Variants in MED13 observed in about 807,000 individuals in gnomAD.
The protein encoded by MED13 is mediator of RNA polymerase II transcription subunit 13.
MED13 carries 23 observed loss-of-function variants against 225.2 expected under a neutral mutation model. That is an observed-to-expected ratio of 0.10 (90% CI 0.07 to 0.14). MED13 has a LOEUF of 0.14. Ranked by LOEUF, MED13 falls within the 10% of genes least tolerant of loss-of-function variation. The probability of loss-of-function intolerance (pLI) is 1.00; values close to 1 mark genes in which losing one functional copy is unlikely to be tolerated. For missense variants in MED13, 2,197 were observed against 2,594.5 expected, an observed-to-expected ratio of 0.85 and a Z score of 3.33; for synonymous variants, 942 against 889.2, an observed-to-expected ratio of 1.06 and a Z score of -1.06.
intron 28 of MED13, among the ~76,000 whole-genome samples, chr17:61,949,567 A>G (rs2079879589): frequency 6.6e-6 from 1 of 152,136 alleles, no homozygotes; most frequent in South Asian, 2.1e-4. Context: ...TGAGAGTCTC[A>G]TTACTGTATT....
intron 6 of MED13, chr17:62,031,216 T>C (rs2080752663): frequency 2.5e-6 from 1 of 392,790 alleles, no homozygotes. Context: ...GTCTGTAGGT[T>C]GTTCTCAAAT....
At chr17:61,954,837 T>G (rs2079928237) in intron 26 of MED13, among the ~76,000 whole-genome samples, 1 of 152,184 alleles carries the variant, frequency 6.6e-6, no homozygotes, top group African/African-American at 2.4e-5. Flanking sequence ...AGTTCTGATA[T>G]CAACAAGGTG....
In MED13 at chr17:61,945,080, T is replaced by C. The variant is rs1003308126; in HGVS notation, c.*1388A>G. 3.9e-5 allele frequency: 6 copies of C among 152,550 alleles called. No individual in the cohort carries two copies. The highest frequency in any genetic ancestry group is 8.8e-5 in the Non-Finnish European group (6 of 68,026). The allele number at this position is 152,550 out of a possible 1,614,324, so 9.4% of individuals were successfully genotyped here. On this transcript the variant is annotated 3_prime_UTR_variant, in exon 30 of 30. Coordinates refer to ENST00000397786, the MANE Select transcript of MED13 (RefSeq NM_005121.3). ...TTATAGAAAAGTACAGACTCTGGTG[T>C]TTGGGACTGACATCTCCAAACCAAG... is the stretch of plus-strand genomic sequence containing the variant.
Position 62,033,918 on chromosome 17 carries a change from G to A in MED13, c.683C>T (p.Ala228Val). ...CCATTCACCAATTAATTTTTTTGTA[G>A]CTGAATCAGACATCTTGAATGCCTG... ...TGQAFKMSDS[A>V]TKKLIGEWKQ... The change falls in exon 5 of 30, where the codon GCT becomes GTT. Residue 228 changes from alanine to valine, a missense_variant. Coordinates refer to ENST00000397786, the MANE Select transcript of MED13 (RefSeq NM_005121.3). 6.2e-7 allele frequency: 1 copy of A among 1,613,962 alleles called. No individual in the cohort carries two copies. The highest frequency in any genetic ancestry group is 8.5e-7 in the Non-Finnish European group (1 of 1,179,968).
At position 61,982,331 on chromosome 17, in the gene MED13, T is replaced by C; in HGVS notation, c.3672A>G (p.Glu1224=). The C allele has an allele frequency of 6.2e-7, 1 of 1,614,238 alleles. No homozygotes were observed. The highest frequency in any genetic ancestry group is 8.5e-7 in the Non-Finnish European group (1 of 1,180,042). Residue 1224 remains glutamate, a synonymous_variant, in exon 16 of 30, where the codon GAA becomes GAG. Transcript: ENST00000397786. ...AGCAGTCATTGCAACAGTCACGCTC[T>C]TCAACACGTACCCAATTGCTAATTA... ...SGVISNWVRV[E]ERDCCNDCYL...
At chr17:62,062,599 AC>A (rs757450667) in intron 2 of MED13, among the ~76,000 whole-genome samples, 12,724 of 41,726 alleles carry the variant, frequency 0.3, 610 homozygotes, top group East Asian at 0.51. Context: ...ACACACACAC[AC>A]CACACACACA....
At chr17:61,962,666 T>C in intron 21 of MED13, 86 bp downstream of exon 21, 1 of 1,152,362 alleles carries the variant, frequency 8.7e-7, no homozygotes, top group Non-Finnish European at 1.3e-6. Flanking sequence ...GATAATCAAT[T>C]TGAATACAGA....
chr17:61,958,654 G>T (rs925131754), intron 23 of MED13, among the ~76,000 whole-genome samples: 2 of 151,830 alleles, frequency 1.3e-5, no homozygotes, highest in African/African-American at 2.4e-5. Context: ...TGTATTTTTA[G>T]TATAGACGGG....
intron 17 of MED13, among the ~76,000 whole-genome samples, chr17:61,971,379 G>A (rs1173221649): frequency 2.0e-5 from 3 of 150,522 alleles, no homozygotes; most frequent in Non-Finnish European, 2.9e-5. Flanking sequence ...GGCAACCTGC[G>A]CCTCCCGGGT....
chr17:62,040,076 G>A (rs760822997), intron 3 of MED13, among the ~76,000 whole-genome samples: 14 of 152,134 alleles, frequency 9.2e-5, no homozygotes, highest in Non-Finnish European at 1.3e-4. Flanking sequence ...CCAAATCTCC[G>A]AAATCCTTAT....
At chr17:61,961,984 T>C (rs1250881003) in intron 21 of MED13, among the ~76,000 whole-genome samples, 2 of 152,186 alleles carry the variant, frequency 1.3e-5, no homozygotes, top group Non-Finnish European at 1.5e-5. Flanking sequence ...TAAAGGACTA[T>C]TTAAAACCTA....
At chr17:61,999,172 A>G (rs756190880) in intron 9 of MED13, among the ~76,000 whole-genome samples, 36 of 152,318 alleles carry the variant, frequency 2.4e-4, no homozygotes, top group Non-Finnish European at 4.7e-4. Context: ...CTACAACTAT[A>G]TACATACAAA....
In MED13 at chr17:62,048,266, G is replaced by A. The variant is rs114677972; in HGVS notation, c.470+4271C>T. On this transcript the variant is annotated intron_variant, in intron 3 of 29. Transcript: ENST00000397786. ...TTAAAAATACAAAAATTAGCCAGTC[G>A]TGGTGGCTAGTGTCTGTGGTCCCAG... Among the ~76,000 whole-genome samples, 562 of 150,142 alleles carry A rather than the reference G, an allele frequency of 3.7e-3. 2 individuals carry two copies. Among genetic ancestry groups the A allele is most frequent in the African/African-American group, 0.012 (510 of 41,078 alleles).
At chr17:62,010,019 C>T (rs748171447) in intron 9 of MED13, among the ~76,000 whole-genome samples, 12 of 152,084 alleles carry the variant, frequency 7.9e-5, no homozygotes, top group Admixed American at 2.0e-4. Flanking sequence ...GTCAGGAGTT[C>T]GAGACCAGCC....
At chr17:62,033,223 C>G (rs1483211690) in intron 5 of MED13, among the ~76,000 whole-genome samples, 1 of 151,896 alleles carries the variant, frequency 6.6e-6, no homozygotes, top group Non-Finnish European at 1.5e-5. Flanking sequence ...GCAGGCAGAG[C>G]ATGCCAAAGT....
At chr17:61,967,852 G>A (rs756485541) in intron 18 of MED13, among the ~76,000 whole-genome samples, 183 bp downstream of exon 18, 22 of 152,022 alleles carry the variant, frequency 1.4e-4, no homozygotes, top group Admixed American at 1.2e-3. Context: ...TCTGACCCAC[G>A]GCATACACAT....
At chr17:62,028,948 G>C (rs147874321) in intron 8 of MED13, among the ~76,000 whole-genome samples, 1 of 152,228 alleles carries the variant, frequency 6.6e-6, no homozygotes. Context: ...TTGAGGTTAG[G>C]AGTTCGAAAT....
Position 61,960,858 on chromosome 17 carries a change from T to C in MED13, c.5480+9A>G, listed in dbSNP as rs771861584. 6 of 1,562,272 alleles carry C rather than the reference T, an allele frequency of 3.8e-6. No homozygotes were observed. Among genetic ancestry groups the C allele is most frequent in the South Asian group, 1.1e-5 (1 of 89,112 alleles). On this transcript the variant is annotated intron_variant, in intron 23 of 29. Coordinates refer to ENST00000397786, the MANE Select transcript of MED13 (RefSeq NM_005121.3). Reference sequence around the variant, plus strand: ...GAATGATATGATATATTTAGGGAAATACAAATACCTATTTGGAACATCGAT... The same window carrying C: ...GAATGATATGATATATTTAGGGAAACACAAATACCTATTTGGAACATCGAT...
At chr17:61,983,215 T>C (rs2080220151) in intron 15 of MED13, 101 bp from the exon 16 acceptor site, 1 of 971,338 alleles carries the variant, frequency 1.0e-6, no homozygotes, top group Non-Finnish European at 1.5e-6. Context: ...TTCAATTACA[T>C]AGAAAATTAT....
Sources: gnomAD v4.1 joint callset for allele counts (sites outside exome capture counted in the v4.1 genomes callset) on GRCh38, gnomAD v4.1.1 for gene constraint, MANE v1.5 for transcripts, NCBI Gene and HGNC (gene_info 2026-07-23, HGNC 2026-07-21) for gene names.